SLC39A11: variants seen among roughly 807,000 people sequenced by gnomAD.
SLC39A11 encodes zinc transporter ZIP11.
In SLC39A11, 33 loss-of-function variants were observed where a neutral mutation model predicts 36.1. That is an observed-to-expected ratio of 0.91 (90% CI 0.69 to 1.22). The LOEUF (loss-of-function observed/expected upper bound fraction) is 1.22, where lower values mean the gene tolerates loss of function less well. Among genes scored for constraint, SLC39A11 ranks in the 50% most tolerant of loss-of-function variants. The probability of loss-of-function intolerance (pLI) is 0.00; values close to 1 mark genes in which losing one functional copy is unlikely to be tolerated. For missense variants in SLC39A11, 432 were observed against 430.3 expected (o/e 1.00, Z -0.03); for synonymous variants, 166 against 170.3 (o/e 0.97, Z 0.20).
chr17:72,834,076 CAACA>C lies in SLC39A11; in HGVS notation c.601+15554_601+15557del, dbSNP rs1212278581. Among the ~76,000 whole-genome samples, 15 of 148,480 alleles carry C rather than the reference CAACA, an allele frequency of 1.0e-4. 1 individual carries two copies. The highest frequency in any genetic ancestry group is 1.4e-4 in the Admixed American group (2 of 14,688). ...AAGGCAAGCTTGGGTAGGCACTACA[CAACA>C]AACAATTTGTGAAGTTACTTTTTTT... On this transcript the variant is annotated intron_variant, in intron 6 of 9. Coordinates refer to ENST00000255559, the MANE Select transcript of SLC39A11 (RefSeq NM_139177.4).
At chr17:72,951,987 G>A (rs147689278) in intron 4 of SLC39A11, among the ~76,000 whole-genome samples, 236 of 152,030 alleles carry the variant, frequency 1.6e-3, no homozygotes, top group Non-Finnish European at 3.1e-3. Context: ...AGAAAATCCC[G>A]CCCTAACTTC....
intron 7 of SLC39A11, among the ~76,000 whole-genome samples, chr17:72,685,293 G>A (rs998482492): frequency 3.9e-5 from 2 of 51,416 alleles, no homozygotes; most frequent in Non-Finnish European, 7.6e-5. Flanking sequence ...GGAGGACCTC[G>A]TTTAGGAAGG....
At chr17:73,078,371 G>A (rs1219156663) in intron 3 of SLC39A11, among the ~76,000 whole-genome samples, 1 of 152,118 alleles carries the variant, frequency 6.6e-6, no homozygotes, top group Non-Finnish European at 1.5e-5. Flanking sequence ...TAAATATGCA[G>A]ACAGATAGAT....
chr17:73,064,301 A>G (rs1280763045), intron 3 of SLC39A11, among the ~76,000 whole-genome samples: 1 of 151,916 alleles, frequency 6.6e-6, no homozygotes, highest in African/African-American at 2.4e-5. Context: ...CAGTGGCAGC[A>G]AAGATCAGCT....
intron 6 of SLC39A11, among the ~76,000 whole-genome samples, chr17:72,741,580 C>A (rs1200627693): frequency 6.6e-6 from 1 of 152,152 alleles, no homozygotes; most frequent in Admixed American, 6.5e-5. Context: ...CAAAGAATCA[C>A]AGAGACGTTA....
At chr17:73,084,092 GGTGTCT>G (rs953679450) in intron 3 of SLC39A11, among the ~76,000 whole-genome samples, 2 of 152,004 alleles carry the variant, frequency 1.3e-5, no homozygotes, top group Non-Finnish European at 2.9e-5. Context: ...TTGGGAGATG[GGTGTCT>G]GGGATGCATT....
chr17:72,952,763 G>A lies in SLC39A11; in HGVS notation c.307-4888C>T, dbSNP rs143794302. Reference sequence around the variant, plus strand: ...TAGCCCTGCAAGGTCGGCAAAGTGCGAGCGTGATCCTTCTTAGGGCAAACA... The same window carrying A: ...TAGCCCTGCAAGGTCGGCAAAGTGCAAGCGTGATCCTTCTTAGGGCAAACA... On this transcript the variant is annotated intron_variant, in intron 4 of 9. Transcript: ENST00000255559. Among the ~76,000 whole-genome samples the A allele has an allele frequency of 1.9e-4, 29 of 152,240 alleles. No homozygotes were observed. In the East Asian group the frequency reaches 5.2e-3, roughly 27 times the overall value.
intron 7 of SLC39A11, among the ~76,000 whole-genome samples, chr17:72,709,790 TA>T (rs1190814776): frequency 2.0e-5 from 3 of 152,244 alleles, no homozygotes; most frequent in African/African-American, 7.2e-5. Context: ...AACTCTTTTA[TA>T]AGTAACCTGC....
At chr17:72,965,420 G>C (rs2086895210) in intron 4 of SLC39A11, among the ~76,000 whole-genome samples, 1 of 152,150 alleles carries the variant, frequency 6.6e-6, no homozygotes, top group African/African-American at 2.4e-5. Flanking sequence ...GCATTCAATA[G>C]AAACTGCACT....
intron 6 of SLC39A11, among the ~76,000 whole-genome samples, chr17:72,812,616 A>G (rs2077467060): frequency 6.6e-6 from 1 of 152,258 alleles, no homozygotes; most frequent in African/African-American, 2.4e-5. Flanking sequence ...GCTATTACCC[A>G]GCCTTGGACA....
chr17:72,877,504 C>T (rs564730648), intron 5 of SLC39A11, among the ~76,000 whole-genome samples: 5 of 152,346 alleles, frequency 3.3e-5, no homozygotes, highest in South Asian at 2.1e-4. Flanking sequence ...ACCTTTCTTT[C>T]GCAATCAGTT....
intron 5 of SLC39A11, among the ~76,000 whole-genome samples, chr17:72,903,436 A>T (rs1293250471): frequency 6.6e-6 from 1 of 152,150 alleles, no homozygotes; most frequent in Non-Finnish European, 1.5e-5. Flanking sequence ...GCTAGTTCCT[A>T]AGACCCCGAT....
At position 72,846,018 on chromosome 17, in the gene SLC39A11, C is replaced by CT. The variant is rs569100122; in HGVS notation, c.601+3615dup. On this transcript the variant is annotated intron_variant, in intron 6 of 9. Coordinates refer to ENST00000255559, the MANE Select transcript of SLC39A11 (RefSeq NM_139177.4). ...CCAATGAATCTCTCTCTCTCTCTCT[C>CT]TTTTTTTTTTTTTTTTTTTTTTTTT... Among the ~76,000 whole-genome samples the CT allele has an allele frequency of 9.4e-3, 545 of 57,916 alleles. 78 individuals are homozygous for CT. The highest frequency in any genetic ancestry group is 0.012 in the East Asian group (21 of 1,712). 38.0% of individuals were successfully genotyped at this position (57,916 alleles called of 152,430 possible).
intron 6 of SLC39A11, among the ~76,000 whole-genome samples, chr17:72,779,112 C>T (rs372944611): frequency 6.6e-6 from 1 of 152,186 alleles, no homozygotes; most frequent in Non-Finnish European, 1.5e-5. Flanking sequence ...CACTTAGTGT[C>T]CACCTGTGTT....
intron 6 of SLC39A11, among the ~76,000 whole-genome samples, chr17:72,835,460 A>G (rs1364091526): frequency 1.3e-5 from 2 of 152,048 alleles, no homozygotes; most frequent in African/African-American, 4.8e-5. Flanking sequence ...AGGAACCACA[A>G]TACTCTTTAT....
chr17:72,802,316 A>G (rs1420628465), intron 6 of SLC39A11, among the ~76,000 whole-genome samples: 2 of 152,114 alleles, frequency 1.3e-5, no homozygotes, highest in South Asian at 4.1e-4. Context: ...GTGGCCAGAC[A>G]CGGTAGTACA....
At chr17:72,813,332 G>T (rs1048803617) in intron 6 of SLC39A11, among the ~76,000 whole-genome samples, 1 of 152,176 alleles carries the variant, frequency 6.6e-6, no homozygotes, top group Non-Finnish European at 1.5e-5. Flanking sequence ...AACCGAATTT[G>T]TTTAAAGTGC....
At chr17:72,758,271 G>C (rs2075438476) in intron 6 of SLC39A11, among the ~76,000 whole-genome samples, 1 of 152,148 alleles carries the variant, frequency 6.6e-6, no homozygotes, top group Admixed American at 6.5e-5. Context: ...AGAAAGGTCT[G>C]GAAGACACAG....
At chr17:72,829,349 CAA>C (rs11388011) in intron 6 of SLC39A11, among the ~76,000 whole-genome samples, 8 of 113,420 alleles carry the variant, frequency 7.1e-5, no homozygotes, top group Non-Finnish European at 3.8e-5. Context: ...GCCTCTGTCT[CAA>C]AAAAAAAAAA....
Sources: gnomAD v4.1 joint callset for allele counts (sites outside exome capture counted in the v4.1 genomes callset) on GRCh38, gnomAD v4.1.1 for gene constraint, MANE v1.5 for transcripts, NCBI Gene and HGNC (gene_info 2026-07-23, HGNC 2026-07-21) for gene names.